The following C8orf74 variants were observed in gnomAD, a reference collection of about 807,000 sequenced individuals.
C8orf74 encodes the protein uncharacterized protein C8orf74.
C8orf74 carries 29 observed loss-of-function variants against 22.2 expected under a neutral mutation model. The observed-to-expected ratio is 1.31, with a 90% CI of 0.97 to 1.78. The LOEUF is 1.78. C8orf74 is among the 40% of genes most tolerant of loss of function. The pLI is 0.00. For missense variants in C8orf74, 515 were observed against 369.9 expected, an observed-to-expected ratio of 1.39 and a Z score of -3.22; for synonymous variants, 255 against 163.1, an observed-to-expected ratio of 1.56 and a Z score of -4.30.
At chr8:10,692,797 T>C (rs1226025079) in intron 2 of C8orf74, 1 of 152,214 alleles carries the variant, frequency 6.6e-6, no homozygotes, top group Non-Finnish European at 1.5e-5. Flanking sequence ...CTTGTGTCCA[T>C]TCAAGAAGTC....
chr8:10,693,953 GA>G (rs1294749163), intron 2 of C8orf74, among the ~76,000 whole-genome samples: 1 of 152,146 alleles, frequency 6.6e-6, no homozygotes, highest in African/African-American at 2.4e-5. Context: ...AGGTGCCAAC[GA>G]CAACAAGCCT....
rs59324425 is a variant in C8orf74 at position 10,698,901 on chromosome 8, C to CCACACACA, written c.648+934_648+941dup. Among the ~76,000 whole-genome samples, 421 of 137,620 alleles carry CCACACACA rather than the reference C, an allele frequency of 3.1e-3. 2 individuals are homozygous for CCACACACA. The highest frequency in any genetic ancestry group is 4.6e-3 in the South Asian group (18 of 3,896). The allele number at this position is 137,620 out of a possible 152,430, so 90.3% of individuals were successfully genotyped here. ...GTATTCCTTTAGGGTTACACACACACCACACACACACACACACACACACAC... is the reference window on the plus strand; with the variant it reads ...GTATTCCTTTAGGGTTACACACACACCACACACACACACACACACACACACACACACAC... On this transcript the variant is annotated intron_variant, in intron 3 of 3. Transcript: ENST00000304519.
intron 2 of C8orf74, among the ~76,000 whole-genome samples, chr8:10,687,993 G>A (rs1046535185): frequency 4.6e-5 from 7 of 152,240 alleles, no homozygotes; most frequent in Admixed American, 2.6e-4. Context: ...ATCACCTGAG[G>A]TGAGGAATTC....
rs374019181 is a variant in C8orf74 at position 10,679,682 on chromosome 8, A to C, written c.241+4844A>C. Among the ~76,000 whole-genome samples, 19 of 152,312 alleles carry C rather than the reference A, an allele frequency of 1.2e-4. No individual in the cohort carries two copies. The East Asian group carries it at 3.1e-3, about 25-fold the overall frequency. ...GGCTTAGCTTCTCTCTCCAGGCCAC[A>C]GCCACGGCCTGGCTGCCTCCCACCT... On this transcript the variant is annotated intron_variant, in intron 2 of 3. Transcript: ENST00000304519.
chr8:10,693,870 C>G (rs564748543), intron 2 of C8orf74, among the ~76,000 whole-genome samples: 1 of 152,350 alleles, frequency 6.6e-6, no homozygotes, highest in Admixed American at 6.5e-5. Flanking sequence ...AGTGTGGCAT[C>G]CATCCAAGGC....
intron 2 of C8orf74, among the ~76,000 whole-genome samples, chr8:10,676,412 C>A (rs186824144): frequency 4.6e-4 from 70 of 152,246 alleles, no homozygotes; most frequent in African/African-American, 1.6e-3. Context: ...TTTCCACCCC[C>A]CTCTCTTGAT....
intron 1 of C8orf74, 50 bp downstream of exon 1, chr8:10,672,763 G>A: frequency 2.0e-6 from 3 of 1,514,698 alleles, no homozygotes; most frequent in Non-Finnish European, 2.7e-6. Context: ...CTCATCCTGG[G>A]CACATAGGGA....
chr8:10,674,096 T>G (rs1454276781), intron 1 of C8orf74, among the ~76,000 whole-genome samples: 1 of 106,622 alleles, frequency 9.4e-6, no homozygotes, highest in African/African-American at 3.8e-5. Flanking sequence ...TGTCATACCC[T>G]GCAACCCCCA....
At chr8:10,682,861 T>C (rs542840359) in intron 2 of C8orf74, among the ~76,000 whole-genome samples, 2 of 152,368 alleles carry the variant, frequency 1.3e-5, no homozygotes, top group East Asian at 1.9e-4. Flanking sequence ...TTGTGTGTCA[T>C]GTGCTTGGCC....
chr8:10,700,367 G>GCCCCCCCCCCCAACCCCCC lies in C8orf74; in HGVS notation c.786_787insCCCCCCAACCCCCCCCCCC (p.Thr263ProfsTer63). The GCCCCCCCCCCCAACCCCCC allele has an allele frequency of 1.9e-6, 3 of 1,590,868 alleles. No individual in the cohort carries two copies. The highest frequency in any genetic ancestry group is 2.6e-6 in the Non-Finnish European group (3 of 1,159,720). ...TCAGAAGAAGACTCTGAACCTCAAC[G>GCCCCCCCCCCCAACCCCCC]CCCCCACCCCTATCCCGCCCCCCAT... On this transcript the variant is annotated frameshift_variant, in exon 4 of 4. Transcript: ENST00000304519. LOFTEE classifies it low-confidence loss of function (END_TRUNC).
chr8:10,675,711 C>G (rs1799018778), intron 2 of C8orf74: 1 of 152,204 alleles, frequency 6.6e-6, no homozygotes, highest in South Asian at 2.1e-4. Flanking sequence ...AGCCAGCATT[C>G]TCCTGTGATG....
chr8:10,685,740 T>G (rs889411946), intron 2 of C8orf74, among the ~76,000 whole-genome samples: 2 of 152,124 alleles, frequency 1.3e-5, no homozygotes, highest in East Asian at 3.8e-4. Flanking sequence ...CAAAATAATG[T>G]GAATGTTCTT....
chr8:10,679,047 G>C (rs781045456), intron 2 of C8orf74, among the ~76,000 whole-genome samples: 6 of 152,312 alleles, frequency 3.9e-5, no homozygotes, highest in Admixed American at 2.0e-4. Flanking sequence ...CCAGGCCCAG[G>C]CTGAGCCCTA....
intron 2 of C8orf74, chr8:10,691,544 TC>T (rs1799381314): frequency 6.5e-6 from 1 of 154,446 alleles, no homozygotes; most frequent in Admixed American, 6.3e-5. Context: ...TGATGAGTCA[TC>T]TGATGAAGCT....
intron 2 of C8orf74, among the ~76,000 whole-genome samples, chr8:10,688,040 A>T (rs1337830943): frequency 6.6e-6 from 1 of 152,106 alleles, no homozygotes. Context: ...GTCTGTGTCT[A>T]CTAAAAATAC....
chr8:10,686,905 TTGAG>T (rs1799272440), intron 2 of C8orf74, among the ~76,000 whole-genome samples: 1 of 152,164 alleles, frequency 6.6e-6, no homozygotes, highest in East Asian at 1.9e-4. Context: ...CCTTCACTGT[TTGAG>T]TGACCAGGAA....
chr8:10,696,416 TTTTTCTTTTCTTTTC>T (rs1226997745), intron 2 of C8orf74, among the ~76,000 whole-genome samples: 196 of 143,330 alleles, frequency 1.4e-3, no homozygotes, highest in African/African-American at 5.1e-3. Flanking sequence ...CCACTCTTTT[TTTTTCTTTTCTTTTC>T]TTTTCTTTTC....
In C8orf74 at chr8:10,697,540, C is replaced by T. The variant is rs901705635; in HGVS notation, c.242-59C>T. ...TGTCGGGGTGCAGAGCCCACATCCA[C>T]TGCCTGGCAGGGCAGCTCTGTCCCA... On this transcript the variant is annotated intron_variant, in intron 2 of 3. Coordinates refer to ENST00000304519, the MANE Select transcript of C8orf74 (RefSeq NM_001040032.2). The T allele has an allele frequency of 1.8e-5, 28 of 1,516,770 alleles. No individual in the cohort carries two copies. The South Asian group carries it at 3.2e-4, about 17-fold the overall frequency. The allele number at this position is 1,516,770 out of a possible 1,614,324, so 94.0% of individuals were successfully genotyped here.
chr8:10,689,926 A>G (rs764363471), intron 2 of C8orf74, among the ~76,000 whole-genome samples: 1 of 152,074 alleles, frequency 6.6e-6, no homozygotes, highest in Non-Finnish European at 1.5e-5. Flanking sequence ...AAGAAAATCT[A>G]TGTGTAAGTG....
Sources: gnomAD v4.1 joint callset for allele counts (sites outside exome capture counted in the v4.1 genomes callset) on GRCh38, gnomAD v4.1.1 for gene constraint, MANE v1.5 for transcripts, NCBI Gene and HGNC (gene_info 2026-07-23, HGNC 2026-07-21) for gene names.